The following CAST variants were observed in gnomAD, a reference collection of about 807,000 sequenced individuals.
CAST encodes calpastatin, also known as MIR583 host.
Under a neutral mutation model 119.6 loss-of-function variants are expected in CAST, and 76 were observed. That is an observed-to-expected ratio of 0.64 (90% CI 0.53 to 0.77). The LOEUF is 0.77. CAST is among the 30% of genes least tolerant of loss of function. The pLI is 0.00. For missense variants in CAST, 953 were observed against 946.5 expected (o/e 1.01, Z -0.09); for synonymous variants, 319 against 331.6 (o/e 0.96, Z 0.41).
intron 1 of CAST, among the ~76,000 whole-genome samples, chr5:96,650,274 T>G (rs1352406612): frequency 2.0e-5 from 3 of 152,220 alleles, no homozygotes; most frequent in Non-Finnish European, 4.4e-5. Flanking sequence ...TAATTAGGAC[T>G]CTTCACGCAT....
At chr5:96,161,391 A>G in the CAST span, among the ~76,000 whole-genome samples, 2 of 152,128 alleles carry the variant, frequency 1.3e-5, no homozygotes, top group South Asian at 2.1e-4. Context: ...TGAAAATATT[A>G]TTCTTTCTTT....
rs182704141 is a variant in CAST, at chr5:96,672,586, A to G, written c.76-2953A>G. On this transcript the variant is annotated intron_variant, in intron 1 of 31. Transcript: ENST00000675179. Reference sequence around the variant, plus strand: ...ATCGGATGTGGTGGTGCACACCTGTAATCCCAGCTACTTGGGAGGCTGAGG... The same window carrying G: ...ATCGGATGTGGTGGTGCACACCTGTGATCCCAGCTACTTGGGAGGCTGAGG... Among the ~76,000 whole-genome samples, 438 of 152,028 alleles carry G rather than the reference A, an allele frequency of 2.9e-3. 3 individuals are homozygous for G. The highest frequency in any genetic ancestry group is 0.01 in the African/African-American group (426 of 41,448).
In CAST at chr5:96,590,768, G is replaced by A. The variant is rs747662056; in HGVS notation, c.60+60888G>A. ...TTGCAAAGTTAAATAAGTAAGATCT[G>A]CACAACAACTAAACAATGTTGGAAA... On this transcript the variant is annotated intron_variant, in intron 1 of 11. Transcript: ENST00000505143. 4.0e-4 allele frequency among the ~76,000 whole-genome samples: 61 copies of A among 152,228 alleles called. 1 individual carries two copies. Among genetic ancestry groups the A allele is most frequent in the Admixed American group, 2.4e-3 (37 of 15,282 alleles).
the CAST span, among the ~76,000 whole-genome samples, chr5:96,486,728 A>G: frequency 6.6e-6 from 1 of 152,088 alleles, no homozygotes; most frequent in South Asian, 2.1e-4. Context: ...TCTGCCAGTA[A>G]AAAATGTACC....
chr5:96,509,337 A>G, the CAST span, among the ~76,000 whole-genome samples: 3 of 152,192 alleles, frequency 2.0e-5, no homozygotes, highest in Non-Finnish European at 4.4e-5. Context: ...TAAACTATCT[A>G]GTGGTTCAAA....
At chr5:96,408,356 G>A in the CAST span, 4 of 1,474,740 alleles carry the variant, frequency 2.7e-6, no homozygotes, top group South Asian at 3.4e-5. Flanking sequence ...GAAAGGCAGG[G>A]AGAACACGTG....
At chr5:96,289,719 C>G in the CAST span, among the ~76,000 whole-genome samples, 1 of 152,098 alleles carries the variant, frequency 6.6e-6, no homozygotes, top group Non-Finnish European at 1.5e-5. Context: ...TACTAAATAT[C>G]CTCGGGTAAG....
the CAST span, chr5:96,416,244 G>C: frequency 1.4e-6 from 1 of 720,416 alleles, no homozygotes; most frequent in Non-Finnish European, 2.5e-6. Context: ...GTTTTTGTTT[G>C]TTTGTTTTAA....
At chr5:96,604,405 T>G (rs916076406) in intron 1 of CAST, among the ~76,000 whole-genome samples, 1 of 152,214 alleles carries the variant, frequency 6.6e-6, no homozygotes, top group African/African-American at 2.4e-5. Context: ...AATAAACATG[T>G]GAACACATAC....
At chr5:96,673,178 T>C (rs528317823) in intron 1 of CAST, among the ~76,000 whole-genome samples, 2 of 152,212 alleles carry the variant, frequency 1.3e-5, no homozygotes, top group African/African-American at 2.4e-5. Context: ...TGAAAAAATA[T>C]GAATTACAGA....
chr5:96,148,336 CTGTT>C, the CAST span, among the ~76,000 whole-genome samples: 3 of 152,164 alleles, frequency 2.0e-5, no homozygotes, highest in Non-Finnish European at 2.9e-5. Context: ...AGTCACCTGT[CTGTT>C]CGGCACACTA....
chr5:96,344,695 G>C, the CAST span, among the ~76,000 whole-genome samples: 1 of 152,176 alleles, frequency 6.6e-6, no homozygotes, highest in Non-Finnish European at 1.5e-5. Context: ...TGCATCTGAT[G>C]ATTGTATTTC....
chr5:96,763,279 A>G (rs370511530), intron 25 of CAST: 1 of 780,482 alleles, frequency 1.3e-6, no homozygotes, highest in South Asian at 1.3e-5. Context: ...GGCCCCGGGC[A>G]GCTCTACCAT....
the CAST span, among the ~76,000 whole-genome samples, chr5:96,370,342 C>T: frequency 6.6e-6 from 1 of 151,888 alleles, no homozygotes; most frequent in Non-Finnish European, 1.5e-5. Flanking sequence ...CTGGGTATTT[C>T]TAGGAGTAAG....
the CAST span, among the ~76,000 whole-genome samples, chr5:96,326,695 A>ATTTTT: frequency 2.9e-3 from 275 of 95,664 alleles, 1 homozygote; most frequent in East Asian, 5.0e-3. Flanking sequence ...ATGGCTTTTC[A>ATTTTT]TTTTTTTTTT....
chr5:96,163,307 C>T, the CAST span, among the ~76,000 whole-genome samples: 1 of 152,116 alleles, frequency 6.6e-6, no homozygotes, highest in Non-Finnish European at 1.5e-5. Context: ...TAAAGTTTTC[C>T]TGTCAGTCTA....
At chr5:96,465,912 T>C in the CAST span, among the ~76,000 whole-genome samples, 45 of 152,232 alleles carry the variant, frequency 3.0e-4, no homozygotes, top group African/African-American at 9.9e-4. Context: ...TTTCTATATC[T>C]ATTCATCTGT....
At chr5:96,570,276 A>G (rs1023160367) in intron 1 of CAST, among the ~76,000 whole-genome samples, 1 of 152,226 alleles carries the variant, frequency 6.6e-6, no homozygotes, top group Non-Finnish European at 1.5e-5. Flanking sequence ...AGCAATAAAA[A>G]TAATAGCATT....
intron 10 of CAST, among the ~76,000 whole-genome samples, chr5:96,736,952 A>G (rs747177287): frequency 6.6e-6 from 1 of 152,244 alleles, no homozygotes; most frequent in Non-Finnish European, 1.5e-5. Context: ...ACTTACAATC[A>G]TGCTGGAAAG....
Sources: allele counts gnomAD v4.1 joint callset (sites outside exome capture counted in the v4.1 genomes callset), GRCh38; gene constraint gnomAD v4.1.1; transcripts MANE v1.5; gene names NCBI Gene and HGNC (gene_info 2026-07-23, HGNC 2026-07-21).